The following TINAG variants were observed in gnomAD, a reference collection of about 807,000 sequenced individuals.
TINAG encodes tubulointerstitial nephritis antigen.
A neutral mutation model predicts 72.7 loss-of-function variants in TINAG; 83 were observed. The ratio of observed to expected loss-of-function variants is 1.14; its 90% CI spans 0.96 to 1.37. The LOEUF is 1.37. Ranked by LOEUF, TINAG falls within the 40% of genes most tolerant of loss-of-function variation. The pLI, the probability that TINAG is intolerant of heterozygous loss-of-function variation, is 0.00. For missense variants in TINAG, 685 were observed against 576.6 expected (o/e 1.19, Z -1.93); for synonymous variants, 234 against 189.9 (o/e 1.23, Z -1.91).
chr6:54,343,164 A>G (rs950366089), intron 4 of TINAG, 62 bp from the exon 5 acceptor site: 25 of 1,372,794 alleles, frequency 1.8e-5, no homozygotes, highest in African/African-American at 1.6e-4. Flanking sequence ...AAAGGGCGTG[A>G]CATTTTCCTA....
At position 54,343,233 on chromosome 6, in the gene TINAG, T is replaced by C; in HGVS notation, c.632T>C (p.Leu211Ser). ...LLSMNEMTAS[L>S]PATTDLPEFF... Reference sequence around the variant, plus strand: ...CCTCTTCTTCCTCTTTAGGCTTCTTTACCTGCAACAACTGATCTTCCAGAG... The same window carrying C: ...CCTCTTCTTCCTCTTTAGGCTTCTTCACCTGCAACAACTGATCTTCCAGAG... Residue 211 changes from leucine to serine, a missense_variant, in exon 5 of 11, where the codon TTA (leucine) becomes TCA (serine). By Grantham distance (145) the Leu-to-Ser change is moderately radical. Transcript: ENST00000259782. The C allele has an allele frequency of 1.3e-6, 2 of 1,562,944 alleles. No individual in the cohort carries two copies. The highest frequency in any genetic ancestry group is 2.3e-5 in the East Asian group (1 of 42,820).
Position 54,390,110 on chromosome 6 carries a change from C to T in TINAG, c.*185C>T, listed in dbSNP as rs1033761571. The stretch of plus-strand genomic sequence containing the variant: ...CCTTCATATTACTGAGCATTAACAA[C>T]ACCAATAAAGGACAGCAGAGTCCCT... On this transcript the variant is annotated 3_prime_UTR_variant, in exon 11 of 11. Transcript: ENST00000259782. 4.0e-6 allele frequency: 3 copies of T among 754,018 alleles called. No homozygotes were observed. The South Asian group carries it at 6.5e-5, about 16-fold the overall frequency. 46.7% of individuals were successfully genotyped at this position (754,018 alleles called of 1,614,324 possible). A position where few individuals can be genotyped will look rare whatever the true frequency, so the allele number is the denominator to read the frequency against.
chr6:54,309,069 T>C (rs1784179454), intron 1 of TINAG, among the ~76,000 whole-genome samples, 164 bp downstream of exon 1: 1 of 152,160 alleles, frequency 6.6e-6, no homozygotes, highest in Non-Finnish European at 1.5e-5. Context: ...GTGCTTTGGT[T>C]TGGATGTGGG....
intron 8 of TINAG, 124 bp downstream of exon 8, chr6:54,351,521 C>A: frequency 1.3e-6 from 1 of 767,420 alleles, no homozygotes; most frequent in Non-Finnish European, 2.0e-6. Flanking sequence ...ATCCAAAAGG[C>A]TTCAACAGTT....
intron 10 of TINAG, among the ~76,000 whole-genome samples, chr6:54,383,875 A>G (rs537486885): frequency 6.0e-4 from 92 of 152,262 alleles, no homozygotes; most frequent in African/African-American, 2.1e-3. Context: ...AAGATTATAA[A>G]TCATTCCATT....
rs371663374 is a variant in TINAG, at chr6:54,360,147, T to C, written c.1250+5511T>C. Among the ~76,000 whole-genome samples the C allele has an allele frequency of 1.5e-3, 227 of 151,824 alleles. 1 individual carries two copies. Among genetic ancestry groups the C allele is most frequent in the African/African-American group, 3.6e-3 (149 of 41,496 alleles). On this transcript the variant is annotated intron_variant, in intron 9 of 10. Coordinates refer to ENST00000259782, the MANE Select transcript of TINAG (RefSeq NM_014464.4). ...GATTCTAGCATAAGGTGATAAAGGC[T>C]ATATATTCCCATACATATAACTCAC...
At chr6:54,308,075 T>C (rs1205310294), upstream of TINAG, 1 of 1,549,998 alleles carries the variant, frequency 6.5e-7, no homozygotes, top group Non-Finnish European at 8.7e-7. Flanking sequence ...CATGAGAGCC[T>C]GGATGTTCGT....
At chr6:54,349,471 A>G (rs1785208528) in intron 6 of TINAG, among the ~76,000 whole-genome samples, 1 of 151,942 alleles carries the variant, frequency 6.6e-6, no homozygotes, top group African/African-American at 2.4e-5. Context: ...TATACTACAG[A>G]TAGAATTATT....
intron 5 of TINAG, 84 bp downstream of exon 5, chr6:54,343,433 A>G (rs1432177506): frequency 8.1e-7 from 1 of 1,230,062 alleles, no homozygotes; most frequent in African/African-American, 1.6e-5. Context: ...AATTTTAACA[A>G]TTAGAATATT....
chr6:54,315,035 A>G (rs1342402342), intron 1 of TINAG, among the ~76,000 whole-genome samples: 1 of 152,126 alleles, frequency 6.6e-6, no homozygotes, highest in Non-Finnish European at 1.5e-5. Context: ...ACTACACAAT[A>G]TTGAAAAAAT....
intron 10 of TINAG, among the ~76,000 whole-genome samples, chr6:54,388,484 G>T (rs1387092838): frequency 2.6e-5 from 4 of 152,136 alleles, no homozygotes; most frequent in Non-Finnish European, 5.9e-5. Context: ...GAGTCAATCT[G>T]CCCCTCTCTT....
intron 4 of TINAG, among the ~76,000 whole-genome samples, chr6:54,337,706 T>C (rs1033700526): frequency 3.3e-5 from 5 of 152,290 alleles, no homozygotes; most frequent in Middle Eastern, 3.4e-3. Context: ...TATATACTTT[T>C]TATAATATTG....
In TINAG at chr6:54,314,972, AT is replaced by A. The variant is rs200398551; in HGVS notation, c.356-5599del. Among the ~76,000 whole-genome samples, 885 of 151,990 alleles carry A rather than the reference AT, an allele frequency of 5.8e-3. 12 individuals are homozygous for A. The highest frequency in any genetic ancestry group is 0.02 in the African/African-American group (823 of 41,470). On this transcript the variant is annotated intron_variant, in intron 1 of 10. Coordinates refer to ENST00000259782, the MANE Select transcript of TINAG (RefSeq NM_014464.4). ...GACTATAAATGCTCCCATACAGATA[AT>A]TTTTTTTCTTTTGTTTTATCTTGCT...
chr6:54,319,902 A>G (rs1784450730), intron 1 of TINAG, among the ~76,000 whole-genome samples: 1 of 152,082 alleles, frequency 6.6e-6, no homozygotes, highest in Admixed American at 6.6e-5. Flanking sequence ...CCAGAGCACT[A>G]TTTTTACAAT....
intron 9 of TINAG, among the ~76,000 whole-genome samples, chr6:54,364,630 GTAAT>G (rs1763350379): frequency 6.6e-6 from 1 of 151,254 alleles, no homozygotes; most frequent in South Asian, 2.1e-4. Flanking sequence ...AAATAAAAAA[GTAAT>G]TATGTAATAA....
chr6:54,349,955 C>T, intron 7 of TINAG, 59 bp downstream of exon 7: 1 of 1,166,548 alleles, frequency 8.6e-7, no homozygotes, highest in Non-Finnish European at 1.1e-6. Flanking sequence ...TATAGCTCTA[C>T]TGTAACTAAA....
intron 10 of TINAG, among the ~76,000 whole-genome samples, chr6:54,388,258 ACT>A (rs931775188): frequency 6.6e-6 from 1 of 152,128 alleles, no homozygotes; most frequent in Non-Finnish European, 1.5e-5. Context: ...TGGTGCTAGA[ACT>A]CTCACACACA....
chr6:54,366,352 T>C (rs1022723972), intron 9 of TINAG, among the ~76,000 whole-genome samples: 1 of 151,498 alleles, frequency 6.6e-6, no homozygotes, highest in African/African-American at 2.4e-5. Flanking sequence ...ATTGCTCTGT[T>C]CCCTCTTTTA....
At chr6:54,328,148 C>T (rs1784652101) in intron 4 of TINAG, among the ~76,000 whole-genome samples, 1 of 152,094 alleles carries the variant, frequency 6.6e-6, no homozygotes, top group Non-Finnish European at 1.5e-5. Context: ...CAAGTGGGTT[C>T]CTGACCCCCC....
Sources: gnomAD v4.1 joint callset for allele counts (sites outside exome capture counted in the v4.1 genomes callset) on GRCh38, gnomAD v4.1.1 for gene constraint, MANE v1.5 for transcripts, NCBI Gene and HGNC (gene_info 2026-07-23, HGNC 2026-07-21) for gene names.